The following SLC12A7 variants were observed in gnomAD, a reference collection of about 807,000 sequenced individuals.
SLC12A7 encodes the protein solute carrier family 12 member 7, also known as K-Cl cotransporter 4.
Under a neutral mutation model 120.6 loss-of-function variants are expected in SLC12A7, and 100 were observed. The observed-to-expected ratio is 0.83, with a 90% CI of 0.71 to 0.98. The LOEUF (loss-of-function observed/expected upper bound fraction) is 0.98. Ranked by LOEUF, SLC12A7 falls within the 50% of genes least tolerant of loss-of-function variation. SLC12A7 has a pLI of 0.00. For synonymous variants in SLC12A7, 760 were observed against 678.0 expected (o/e 1.12, Z -1.88); for missense variants, 1,373 against 1,548.1 (o/e 0.89, Z 1.90).
intron 22 of SLC12A7, chr5:1,057,143 C>T (rs550587402): frequency 3.7e-6 from 1 of 273,296 alleles, no homozygotes; most frequent in Non-Finnish European, 6.8e-6. Context: ...CTACAAGGAC[C>T]CCTCAGCGCT....
intron 9 of SLC12A7, 111 bp downstream of exon 9, chr5:1,081,466 G>A (rs1208108716): frequency 4.4e-6 from 5 of 1,136,668 alleles, no homozygotes; most frequent in Admixed American, 2.5e-5. Flanking sequence ...AGGCTGCAGT[G>A]AGCCGTGATC....
At chr5:1,093,820 C>T (rs1047144871) in intron 2 of SLC12A7, among the ~76,000 whole-genome samples, 165 bp from the exon 3 acceptor site, 15 of 152,310 alleles carry the variant, frequency 9.8e-5, no homozygotes, top group African/African-American at 3.6e-4. Context: ...GGTCTGAGTC[C>T]GAGGCCAGGG....
chr5:1,128,007 G>T, the SLC12A7 span, among the ~76,000 whole-genome samples: 2 of 152,214 alleles, frequency 1.3e-5, no homozygotes, highest in Non-Finnish European at 2.9e-5. Context: ...TCATCTGGGG[G>T]TGGTGACAGG....
At chr5:1,101,062 C>T (rs1741966870) in intron 1 of SLC12A7, among the ~76,000 whole-genome samples, 1 of 152,176 alleles carries the variant, frequency 6.6e-6, no homozygotes, top group Non-Finnish European at 1.5e-5. Context: ...AACATCTTCC[C>T]AGCTCTGGGA....
chr5:1,067,628 T>C (rs113886518), intron 17 of SLC12A7, among the ~76,000 whole-genome samples: 1 of 152,230 alleles, frequency 6.6e-6, no homozygotes, highest in African/African-American at 2.4e-5. Context: ...ACGGGGCCAC[T>C]TCCTACATGA....
At chr5:1,125,673 C>T in the SLC12A7 span, among the ~76,000 whole-genome samples, 2 of 152,100 alleles carry the variant, frequency 1.3e-5, no homozygotes, top group Non-Finnish European at 2.9e-5. Context: ...GCCTGTAATC[C>T]CAGCATTTTG....
chr5:1,086,851 G>A, intron 6 of SLC12A7, 52 bp downstream of exon 6: 1 of 1,597,306 alleles, frequency 6.3e-7, no homozygotes, highest in Non-Finnish European at 8.6e-7. Context: ...GGGCCCCTTG[G>A]CATCCTGCCA....
chr5:1,090,007 C>A (rs185159452), intron 3 of SLC12A7, among the ~76,000 whole-genome samples: 209 of 152,350 alleles, frequency 1.4e-3, no homozygotes, highest in African/African-American at 4.4e-3. Flanking sequence ...AAGGTCAATA[C>A]GGAAAAGGGG....
intron 3 of SLC12A7, among the ~76,000 whole-genome samples, chr5:1,090,581 G>C (rs1740383248): frequency 6.6e-6 from 1 of 152,196 alleles, no homozygotes; most frequent in African/African-American, 2.4e-5. Flanking sequence ...CCAGGGCAGA[G>C]GTGACAGCAA....
At chr5:1,093,782 C>G in intron 2 of SLC12A7, 127 bp from the exon 3 acceptor site, 2 of 1,389,576 alleles carry the variant, frequency 1.4e-6, no homozygotes. Flanking sequence ...CTGAAGCAAG[C>G]CAGAGAGGCC....
Position 1,050,962 on chromosome 5 carries a change from C to G in SLC12A7, c.*1398G>C. The stretch of plus-strand genomic sequence containing the variant: ...GAGACCATGCAAGCCAGACGTAGCC[C>G]AAGGCCTGGCCATCTGGGGCCTCTA... On this transcript the variant is annotated 3_prime_UTR_variant, in exon 24 of 24. Transcript: ENST00000264930. 2.5e-6 allele frequency: 1 copy of G among 398,646 alleles called. No homozygotes were observed. The highest frequency in any genetic ancestry group is 4.4e-6 in the Non-Finnish European group (1 of 226,050). 24.7% of individuals were successfully genotyped at this position (398,646 alleles called of 1,614,324 possible).
At chr5:1,088,281 G>C (rs1740109735) in intron 5 of SLC12A7, 25 bp downstream of exon 5, 1 of 1,572,906 alleles carries the variant, frequency 6.4e-7, no homozygotes, top group South Asian at 1.2e-5. Context: ...AGGACTCAGG[G>C]CCGCGGCTGG....
At chr5:1,086,502 G>A (rs1251505193) in intron 6 of SLC12A7, among the ~76,000 whole-genome samples, 3 of 152,220 alleles carry the variant, frequency 2.0e-5, no homozygotes, top group Non-Finnish European at 4.4e-5. Context: ...GCTGGGCTCT[G>A]GGACCCTCGG....
chr5:1,096,947 G>T (rs1005360454), intron 1 of SLC12A7, among the ~76,000 whole-genome samples: 11 of 151,464 alleles, frequency 7.3e-5, no homozygotes, highest in Admixed American at 5.3e-4. Flanking sequence ...AGACCCGAGG[G>T]TTTCGGGTTC....
chr5:1,058,365 G>A (rs554214089), intron 21 of SLC12A7, among the ~76,000 whole-genome samples: 31 of 152,356 alleles, frequency 2.0e-4, no homozygotes, highest in African/African-American at 7.0e-4. Context: ...CCATGCTGTC[G>A]TGGCCAGCCT....
At chr5:1,084,448 T>C (rs990536828) in intron 7 of SLC12A7, among the ~76,000 whole-genome samples, 9 of 152,126 alleles carry the variant, frequency 5.9e-5, no homozygotes, top group African/African-American at 1.9e-4. Context: ...AATCTCAGTG[T>C]CTGAGTTCAA....
chr5:1,096,090 T>C (rs1741104805), intron 1 of SLC12A7, among the ~76,000 whole-genome samples: 1 of 152,226 alleles, frequency 6.6e-6, no homozygotes, highest in African/African-American at 2.4e-5. Context: ...TGGTGAGATC[T>C]GAAAAAGATC....
intron 1 of SLC12A7, among the ~76,000 whole-genome samples, chr5:1,104,637 G>A (rs532558387): frequency 5.3e-5 from 8 of 150,666 alleles, no homozygotes; most frequent in African/African-American, 2.0e-4. Context: ...CTCTCATCCC[G>A]GACCCCAGGA....
chr5:1,075,315 G>T (rs1159425693), intron 15 of SLC12A7, 56 bp downstream of exon 15: 4 of 1,578,164 alleles, frequency 2.5e-6, no homozygotes, highest in Non-Finnish European at 3.5e-6. Context: ...GGCATAGCAT[G>T]AGAGGGGCCC....
Sources: gnomAD v4.1 joint callset for allele counts (sites outside exome capture counted in the v4.1 genomes callset) on GRCh38, gnomAD v4.1.1 for gene constraint, MANE v1.5 for transcripts, NCBI Gene and HGNC (gene_info 2026-07-23, HGNC 2026-07-21) for gene names.